The following MYOZ2 variants were observed in gnomAD, a reference collection of about 807,000 sequenced individuals.
MYOZ2 encodes myozenin-2.
Under a neutral mutation model 25.4 loss-of-function variants are expected in MYOZ2, and 19 were observed. The ratio of observed to expected loss-of-function variants is 0.75; its 90% CI spans 0.52 to 1.10. The LOEUF is 1.10. MYOZ2 is among the 50% of genes least tolerant of loss of function. The probability of loss-of-function intolerance (pLI) is 0.00; values close to 1 mark genes in which losing one functional copy is unlikely to be tolerated. For synonymous variants in MYOZ2, 92 were observed against 106.9 expected, an observed-to-expected ratio of 0.86 and a Z score of 0.86; for missense variants, 270 against 317.9, an observed-to-expected ratio of 0.85 and a Z score of 1.15.
chr4:119,155,403 G>A (rs1472472928), intron 3 of MYOZ2, among the ~76,000 whole-genome samples: 4 of 152,292 alleles, frequency 2.6e-5, no homozygotes, highest in South Asian at 2.1e-4. Context: ...GAAAGAGCAC[G>A]AGAAGGTGGC....
intron 2 of MYOZ2, among the ~76,000 whole-genome samples, chr4:119,149,479 G>C (rs1331131647): frequency 6.6e-6 from 1 of 152,170 alleles, no homozygotes; most frequent in African/African-American, 2.4e-5. Flanking sequence ...CTCCTTTCCT[G>C]GTCCTTTAGC....
intron 5 of MYOZ2, 81 bp from the exon 6 acceptor site, chr4:119,185,885 C>A: frequency 8.9e-7 from 1 of 1,124,856 alleles, no homozygotes; most frequent in Non-Finnish European, 1.3e-6. Context: ...TAAAATCATG[C>A]CTATAAAATT....
chr4:119,173,231 G>T (rs1741982503), intron 5 of MYOZ2, among the ~76,000 whole-genome samples: 1 of 152,084 alleles, frequency 6.6e-6, no homozygotes, highest in South Asian at 2.1e-4. Flanking sequence ...AATGAAACAG[G>T]CTTATTCTTC....
At chr4:119,164,986 A>G (rs1027938219) in intron 5 of MYOZ2, among the ~76,000 whole-genome samples, 2 of 151,594 alleles carry the variant, frequency 1.3e-5, no homozygotes, top group African/African-American at 4.9e-5. Context: ...TATAATTTCC[A>G]TGGATATTTT....
chr4:119,162,595 G>C (rs1016353320), intron 4 of MYOZ2, among the ~76,000 whole-genome samples: 4 of 152,202 alleles, frequency 2.6e-5, no homozygotes, highest in African/African-American at 9.7e-5. Context: ...ATTTGTATGA[G>C]AGTTTGTTAA....
At chr4:119,148,427 T>C (rs547523506) in intron 2 of MYOZ2, among the ~76,000 whole-genome samples, 25 of 152,292 alleles carry the variant, frequency 1.6e-4, no homozygotes, top group African/African-American at 5.5e-4. Context: ...TTTCTTTAAG[T>C]ACTTTTCCAG....
intron 5 of MYOZ2, among the ~76,000 whole-genome samples, chr4:119,172,452 T>C (rs755148845): frequency 6.6e-6 from 1 of 152,204 alleles, no homozygotes; most frequent in Non-Finnish European, 1.5e-5. Context: ...GCTGTCCTCT[T>C]GCGCTGAGTC....
intron 5 of MYOZ2, among the ~76,000 whole-genome samples, chr4:119,177,279 A>C (rs1469727656): frequency 6.6e-6 from 1 of 152,162 alleles, no homozygotes; most frequent in East Asian, 1.9e-4. Flanking sequence ...ATTCTGATTA[A>C]GTCCAGAATC....
intron 3 of MYOZ2, among the ~76,000 whole-genome samples, chr4:119,157,686 A>C (rs1245265437): frequency 6.6e-6 from 1 of 152,214 alleles, no homozygotes; most frequent in Admixed American, 6.6e-5. Flanking sequence ...CAAAAATTAA[A>C]TACATTTATC....
chr4:119,187,604 G>C lies in MYOZ2; in HGVS notation c.*1404G>C, dbSNP rs1051697485. 3 of 151,910 alleles carry C rather than the reference G, an allele frequency of 2.0e-5. No individual in the cohort carries two copies. Among genetic ancestry groups the C allele is most frequent in the African/African-American group, 7.2e-5 (3 of 41,394 alleles). The allele number at this position is 151,910 out of a possible 1,614,324, so 9.4% of individuals were successfully genotyped here. A position where few individuals can be genotyped will look rare whatever the true frequency, so the allele number is the denominator to read the frequency against. ...AAGTATTATATTTATATATATTATT[G>C]TAGAGAATTTGTATATTTTTAAAGA... On this transcript the variant is annotated 3_prime_UTR_variant, in exon 6 of 6. Transcript: ENST00000307128.
At chr4:119,141,228 T>A (rs58422197) in intron 2 of MYOZ2, among the ~76,000 whole-genome samples, 39,397 of 152,068 alleles carry the variant, frequency 0.26, 5,158 homozygotes, top group Middle Eastern at 0.34. Context: ...TTGCCAATCA[T>A]GGTAGAACAG....
At chr4:119,161,212 T>A (rs1314024513) in intron 4 of MYOZ2, among the ~76,000 whole-genome samples, 1 of 152,132 alleles carries the variant, frequency 6.6e-6, no homozygotes, top group African/African-American at 2.4e-5. Flanking sequence ...TATCCAGTTA[T>A]TAAATATTAG....
intron 5 of MYOZ2, among the ~76,000 whole-genome samples, chr4:119,176,096 C>T (rs1431211188): frequency 1.3e-5 from 2 of 152,098 alleles, no homozygotes. Flanking sequence ...GTTTCACCGT[C>T]TTTGAGTTCA....
chr4:119,150,602 G>C (rs535989628), intron 2 of MYOZ2, among the ~76,000 whole-genome samples: 1 of 151,946 alleles, frequency 6.6e-6, no homozygotes, highest in South Asian at 2.1e-4. Context: ...AGTAATTACA[G>C]CTAACTTTTT....
At chr4:119,180,388 G>A (rs1294337984) in intron 5 of MYOZ2, among the ~76,000 whole-genome samples, 2 of 152,114 alleles carry the variant, frequency 1.3e-5, no homozygotes, top group Non-Finnish European at 1.5e-5. Flanking sequence ...ATGCATGGGA[G>A]GATGAGAAAT....
chr4:119,151,088 T>C (rs1444765033), intron 3 of MYOZ2, 47 bp downstream of exon 3: 1 of 1,525,634 alleles, frequency 6.6e-7, no homozygotes, highest in Admixed American at 1.7e-5. Context: ...GCGCAATATT[T>C]CTAAATTTGT....
intron 5 of MYOZ2, among the ~76,000 whole-genome samples, chr4:119,174,718 G>A (rs1742018680): frequency 1.3e-5 from 2 of 152,136 alleles, no homozygotes; most frequent in Admixed American, 6.5e-5. Context: ...AATAAAAGCA[G>A]GCTGCCCAAG....
At chr4:119,180,696 G>A (rs1742170581) in intron 5 of MYOZ2, among the ~76,000 whole-genome samples, 1 of 152,116 alleles carries the variant, frequency 6.6e-6, no homozygotes, top group Non-Finnish European at 1.5e-5. Flanking sequence ...TGGGATTACA[G>A]GCGCCTGTCT....
At chr4:119,174,610 A>C (rs185670295) in intron 5 of MYOZ2, among the ~76,000 whole-genome samples, 1 of 151,930 alleles carries the variant, frequency 6.6e-6, no homozygotes, top group African/African-American at 2.4e-5. Context: ...GAACCTTTGT[A>C]TCTAGCTCAG....
Sources: allele counts gnomAD v4.1 joint callset (sites outside exome capture counted in the v4.1 genomes callset), GRCh38; gene constraint gnomAD v4.1.1; transcripts MANE v1.5; gene names NCBI Gene and HGNC (gene_info 2026-07-23, HGNC 2026-07-21).